The following KRT74 variants were observed in gnomAD, a reference collection of about 807,000 sequenced individuals.
KRT74 encodes keratin, type II cytoskeletal 74.
Under a neutral mutation model 42.7 loss-of-function variants are expected in KRT74, and 43 were observed. The ratio of observed to expected loss-of-function variants is 1.01; its 90% confidence interval spans 0.79 to 1.30. The LOEUF (loss-of-function observed/expected upper bound fraction) is 1.30, where lower values mean the gene tolerates loss of function less well. Among genes scored for constraint, KRT74 ranks in the 50% most tolerant of loss-of-function variants. The pLI is 0.00. For synonymous variants in KRT74, 302 were observed against 279.0 expected, an observed-to-expected ratio of 1.08 and a Z score of -0.82; for missense variants, 736 against 689.1, an observed-to-expected ratio of 1.07 and a Z score of -0.76.
At chr12:52,572,716 G>T in intron 1 of KRT74, 49 bp from the exon 2 acceptor site, 1 of 1,546,332 alleles carries the variant, frequency 6.5e-7, no homozygotes, top group Non-Finnish European at 8.9e-7. Context: ...GTGCAGTCAT[G>T]CCCCCTGGAC....
Position 52,573,419 on chromosome 12 carries a change from C to T in KRT74, c.359G>A (p.Ser120Asn), listed in dbSNP as rs547024667. 5 of 1,614,208 alleles carry T rather than the reference C, an allele frequency of 3.1e-6. No individual in the cohort carries two copies. The highest frequency in any genetic ancestry group is 1.1e-5 in the South Asian group (1 of 91,082). Residue 120 changes from serine to asparagine, a missense_variant, in exon 1 of 9, where the codon AGC becomes AAC. By Grantham distance (46) the Ser-to-Asn change is conservative. Coordinates refer to ENST00000305620, the MANE Select transcript of KRT74 (RefSeq NM_175053.4). ...CTCCACGTTGAGGGGGGCCAAGAGG[C>T]TCTTGTTGACAGTGACCTGGTGGAT... ...GGIHQVTVNK[S>N]LLAPLNVELD...
At position 52,570,822 on chromosome 12, in the gene KRT74, C is replaced by T. The variant is rs201923385; in HGVS notation, c.855G>A (p.Gln285=). The change falls in exon 5 of 9, where the codon CAG becomes CAA. Residue 285 remains glutamine (Q), a synonymous_variant. Transcript: ENST00000305620. ...AGGTCTCACTGGCGTGAGTCTGGAT[C>T]TGAGCGATCTCCTGCATTGAGAGAG... is the stretch of plus-strand genomic sequence containing the variant. ...LKCLYDAEIA[Q]IQTHASETSV... 2.8e-4 allele frequency: 452 copies of T among 1,614,132 alleles called. 1 individual carries two copies. Among genetic ancestry groups the T allele is most frequent in the Admixed American group, 6.3e-4 (38 of 60,010 alleles).
intron 1 of KRT74, 43 bp from the exon 2 acceptor site, chr12:52,572,710 A>G (rs1219263706): frequency 1.9e-6 from 3 of 1,562,368 alleles, no homozygotes; most frequent in East Asian, 2.2e-5. Flanking sequence ...CAATGGGTGC[A>G]GTCATGCCCC....
At chr12:52,570,546 G>T in intron 5 of KRT74, 123 bp downstream of exon 5, 2 of 1,039,762 alleles carry the variant, frequency 1.9e-6, no homozygotes, top group Admixed American at 2.1e-5. Flanking sequence ...TTTCCTTGAA[G>T]CCTTGGTTGG....
At chr12:52,571,324 G>T in intron 4 of KRT74, 35 bp downstream of exon 4, 1 of 1,267,604 alleles carries the variant, frequency 7.9e-7, no homozygotes, top group Non-Finnish European at 1.2e-6. Flanking sequence ...CGGGAAGGAG[G>T]CAGGGTGAGG....
intron 1 of KRT74, 37 bp downstream of exon 1, chr12:52,573,270 T>C (rs1939519742): frequency 1.3e-6 from 2 of 1,585,820 alleles, no homozygotes; most frequent in African/African-American, 1.3e-5. Flanking sequence ...TGCTCAGGCC[T>C]CAGGGTGCGG....
chr12:52,568,844 G>T (rs1939424565), intron 6 of KRT74, among the ~76,000 whole-genome samples: 1 of 152,200 alleles, frequency 6.6e-6, no homozygotes, highest in African/African-American at 2.4e-5. Flanking sequence ...AGTGTTTCTG[G>T]ACTCCAGCAC....
intron 8 of KRT74, 99 bp downstream of exon 8, chr12:52,567,560 A>C: frequency 1.1e-6 from 1 of 909,534 alleles, no homozygotes; most frequent in South Asian, 1.3e-5. Flanking sequence ...AGACAGTAAC[A>C]GAAGCTTCTT....
rs571223121 is a variant in KRT74, at chr12:52,571,432, A to T, written c.770T>A (p.Val257Asp). 450 of 1,613,838 alleles carry T rather than the reference A, an allele frequency of 2.8e-4. 3 individuals carry two copies. The South Asian group carries it at 4.7e-3, about 17-fold the overall frequency. Reference protein sequence around the residue: ...LKKDADAAYAVKVELQAKVDS... With the variant: ...LKKDADAAYADKVELQAKVDS... Reference sequence around the variant, plus strand: ...CACTTTGGCCTGAAGCTCCACCTTGACTGCGTAGGCTGCATCTGCATCCTG... The same window carrying T: ...CACTTTGGCCTGAAGCTCCACCTTGTCTGCGTAGGCTGCATCTGCATCCTG... The change falls in exon 4 of 9, where the codon GTC becomes GAC. Residue 257 changes from valine (V) to aspartate (D), a missense_variant. By Grantham distance (152) the Val-to-Asp change is radical (BLOSUM62 -3). Transcript: ENST00000305620.
intron 6 of KRT74, chr12:52,569,574 T>C (rs1009528679): frequency 1.7e-6 from 1 of 599,374 alleles, no homozygotes; most frequent in Non-Finnish European, 3.0e-6. Flanking sequence ...CTCCATTCAT[T>C]ACCAGCTGGG....
rs1939401364 is a variant in KRT74 at position 52,567,546 on chromosome 12, C to A, written c.1390+113G>T. 3 of 860,864 alleles carry A rather than the reference C, an allele frequency of 3.5e-6. No individual in the cohort carries two copies. The African/African-American group carries it at 5.0e-5, about 14-fold the overall frequency. The allele number at this position is 860,864 out of a possible 1,614,324, so 53.3% of individuals were successfully genotyped here. A position where few individuals can be genotyped will look rare whatever the true frequency, so the allele number is the denominator to read the frequency against. On this transcript the variant is annotated intron_variant, in intron 8 of 8. Coordinates refer to ENST00000305620, the MANE Select transcript of KRT74 (RefSeq NM_175053.4). The stretch of plus-strand genomic sequence containing the variant: ...ATTTCCTTTGAAGCCCAGAAACCTT[C>A]CCAAGACAGTAACAGAAGCTTCTTG...
Sources: allele counts gnomAD v4.1 joint callset (sites outside exome capture counted in the v4.1 genomes callset), GRCh38; gene constraint gnomAD v4.1.1; transcripts MANE v1.5; gene names NCBI Gene and HGNC (gene_info 2026-07-23, HGNC 2026-07-21).